PRKCQ: variants seen among roughly 807,000 people sequenced by gnomAD.
The protein encoded by PRKCQ is protein kinase C theta type.
Under a neutral mutation model 91.2 loss-of-function variants are expected in PRKCQ, and 41 were observed. The observed-to-expected ratio is 0.45, with a 90% confidence interval of 0.35 to 0.58. The LOEUF is 0.58. Ranked by LOEUF, PRKCQ falls within the 20% of genes least tolerant of loss-of-function variation. The pLI, the probability that PRKCQ is intolerant of heterozygous loss-of-function variation, is 0.00. For missense variants in PRKCQ, 673 were observed against 896.5 expected (o/e 0.75, Z 3.18); for synonymous variants, 307 against 316.9 (o/e 0.97, Z 0.33).
rs565745767 is a variant in PRKCQ, at chr10:6,485,393, C to A, written c.901-124G>T. 1.1e-5 allele frequency: 8 copies of A among 744,802 alleles called. No individual in the cohort carries two copies. In the Admixed American group the frequency reaches 1.5e-4, roughly 14 times the overall value. 46.1% of individuals were successfully genotyped at this position (744,802 alleles called of 1,614,324 possible). On this transcript the variant is annotated intron_variant, in intron 9 of 17. Transcript: ENST00000263125. ...AATGCATAGGGTCAACAAAGATCTCCTTATCCTCAACGTTCTTTTGGAACC... is the reference window on the plus strand; with the variant it reads ...AATGCATAGGGTCAACAAAGATCTCATTATCCTCAACGTTCTTTTGGAACC...
chr10:6,398,618 C>T, the PRKCQ span, among the ~76,000 whole-genome samples: 1 of 152,142 alleles, frequency 6.6e-6, no homozygotes, highest in Non-Finnish European at 1.5e-5. Context: ...GACGTTTACC[C>T]ATCATTTCCT....
chr10:6,531,757 G>T (rs1839403627), intron 1 of PRKCQ, among the ~76,000 whole-genome samples: 1 of 152,092 alleles, frequency 6.6e-6, no homozygotes. Context: ...GTAAATGGAT[G>T]AATCCATTAT....
intron 1 of PRKCQ, among the ~76,000 whole-genome samples, chr10:6,546,696 C>A (rs1352043973): frequency 1.3e-5 from 2 of 152,130 alleles, no homozygotes; most frequent in Non-Finnish European, 2.9e-5. Flanking sequence ...ATTTGACTTC[C>A]TCTTTTCCTA....
At chr10:6,510,605 T>C (rs1838421398) in intron 3 of PRKCQ, among the ~76,000 whole-genome samples, 2 of 152,202 alleles carry the variant, frequency 1.3e-5, no homozygotes, top group East Asian at 3.8e-4. Context: ...TCATAAATCT[T>C]GATTAAGTTT....
chr10:6,450,703 G>T (rs1201749903), intron 15 of PRKCQ, among the ~76,000 whole-genome samples: 3 of 152,078 alleles, frequency 2.0e-5, no homozygotes, highest in Non-Finnish European at 4.4e-5. Context: ...AAATGTAAAA[G>T]AACAGAAATT....
intron 4 of PRKCQ, among the ~76,000 whole-genome samples, chr10:6,503,545 C>A (rs972722250): frequency 1.3e-5 from 2 of 152,086 alleles, no homozygotes; most frequent in African/African-American, 4.8e-5. Flanking sequence ...AGAGCTGAGC[C>A]ATTTACTTCC....
At chr10:6,501,749 G>A (rs1048755796) in intron 4 of PRKCQ, among the ~76,000 whole-genome samples, 12 of 152,044 alleles carry the variant, frequency 7.9e-5, no homozygotes, top group African/African-American at 1.2e-4. Context: ...GCTTGAACTC[G>A]GGAGGCGGAG....
chr10:6,561,619 T>C (rs1380973484), intron 1 of PRKCQ, among the ~76,000 whole-genome samples: 1 of 152,180 alleles, frequency 6.6e-6, no homozygotes, highest in Admixed American at 6.5e-5. Flanking sequence ...TTTATGTAGA[T>C]CTCACAGTAT....
chr10:6,562,899 T>C (rs1840687440), intron 1 of PRKCQ, among the ~76,000 whole-genome samples: 1 of 152,216 alleles, frequency 6.6e-6, no homozygotes, highest in Admixed American at 6.5e-5. Context: ...ATGTTAGCTA[T>C]AATTATTATA....
the PRKCQ span, among the ~76,000 whole-genome samples, chr10:6,414,921 C>A: frequency 6.6e-6 from 1 of 151,922 alleles, no homozygotes; most frequent in Non-Finnish European, 1.5e-5. Flanking sequence ...GAAATAATGG[C>A]CTCCAACTTT....
intron 1 of PRKCQ, among the ~76,000 whole-genome samples, chr10:6,540,484 C>T (rs576545176): frequency 6.6e-5 from 10 of 152,116 alleles, no homozygotes; most frequent in Non-Finnish European, 1.5e-4. Flanking sequence ...GGAGTCTTAG[C>T]GTATTTGTCC....
At chr10:6,424,467 C>T (rs929846594), downstream of PRKCQ, among the ~76,000 whole-genome samples, 1 of 152,180 alleles carries the variant, frequency 6.6e-6, no homozygotes, top group African/African-American at 2.4e-5. Flanking sequence ...ATGGTTTCTG[C>T]TCCTTCTTCC....
intron 1 of PRKCQ, among the ~76,000 whole-genome samples, chr10:6,546,903 C>T (rs1164414617): frequency 3.3e-5 from 5 of 152,108 alleles, no homozygotes; most frequent in Non-Finnish European, 5.9e-5. Context: ...TGAGATACGT[C>T]CCATCAATAC....
intron 1 of PRKCQ, among the ~76,000 whole-genome samples, chr10:6,559,811 G>A (rs989741824): frequency 1.2e-4 from 12 of 101,240 alleles, no homozygotes; most frequent in African/African-American, 3.9e-4. Flanking sequence ...TTGTTTTATT[G>A]TTCTTTGAGT....
chr10:6,549,418 G>A (rs142242656), intron 1 of PRKCQ, among the ~76,000 whole-genome samples: 69 of 152,266 alleles, frequency 4.5e-4, no homozygotes, highest in Middle Eastern at 3.4e-3. Context: ...ACTCACTTGG[G>A]AAATTCAGAA....
At chr10:6,448,226 G>A (rs1329842762) in intron 15 of PRKCQ, among the ~76,000 whole-genome samples, 1 of 152,192 alleles carries the variant, frequency 6.6e-6, no homozygotes, top group Non-Finnish European at 1.5e-5. Flanking sequence ...CCCTGATGGG[G>A]AGAAGCTCAA....
intron 1 of PRKCQ, among the ~76,000 whole-genome samples, chr10:6,569,935 C>T (rs150346381): frequency 2.0e-4 from 31 of 151,870 alleles, no homozygotes; most frequent in African/African-American, 6.5e-4. Flanking sequence ...TCACAGTCAG[C>T]GAGGAGATAG....
At chr10:6,523,091 G>C (rs1404095015) in intron 1 of PRKCQ, among the ~76,000 whole-genome samples, 1 of 152,092 alleles carries the variant, frequency 6.6e-6, no homozygotes, top group African/African-American at 2.4e-5. Context: ...CTTCTACTAA[G>C]TAGTATAATA....
intron 3 of PRKCQ, among the ~76,000 whole-genome samples, chr10:6,509,297 A>G (rs1197964011): frequency 1.3e-5 from 2 of 152,232 alleles, no homozygotes; most frequent in African/African-American, 2.4e-5. Context: ...AGTGAAGACT[A>G]CTTAACAAAA....
Sources: allele counts gnomAD v4.1 joint callset (sites outside exome capture counted in the v4.1 genomes callset), GRCh38; gene constraint gnomAD v4.1.1; transcripts MANE v1.5; gene names NCBI Gene and HGNC (gene_info 2026-07-23, HGNC 2026-07-21).